Variants in PDZRN3 observed in about 807,000 individuals in gnomAD.
PDZRN3 encodes the protein E3 ubiquitin-protein ligase PDZRN3.
PDZRN3 carries 38 observed loss-of-function variants against 85.7 expected under a neutral mutation model. The ratio of observed to expected loss-of-function variants is 0.44; its 90% confidence interval spans 0.34 to 0.58. The LOEUF (loss-of-function observed/expected upper bound fraction) is 0.58. PDZRN3 is among the 20% of genes least tolerant of loss of function. The pLI is 0.01. For missense variants in PDZRN3, 1,629 were observed against 1,506.4 expected (o/e 1.08, Z -1.35); for synonymous variants, 759 against 638.0 (o/e 1.19, Z -2.86).
intron 3 of PDZRN3, among the ~76,000 whole-genome samples, chr3:73,513,814 A>G (rs886637599): frequency 6.6e-6 from 1 of 152,200 alleles, no homozygotes; most frequent in African/African-American, 2.4e-5. Context: ...TCTTGGATGA[A>G]TTTTTATTGC....
At chr3:73,592,902 C>T (rs923733424) in intron 3 of PDZRN3, among the ~76,000 whole-genome samples, 3 of 152,162 alleles carry the variant, frequency 2.0e-5, no homozygotes, top group Non-Finnish European at 2.9e-5. Flanking sequence ...TCTATAGGCA[C>T]TGTGCTTAGT....
intron 3 of PDZRN3, among the ~76,000 whole-genome samples, chr3:73,559,964 G>A (rs1193053913): frequency 6.6e-6 from 1 of 152,182 alleles, no homozygotes; most frequent in African/African-American, 2.4e-5. Flanking sequence ...ACTATTTTCT[G>A]TCAAGGGCGG....
intron 6 of PDZRN3, among the ~76,000 whole-genome samples, 193 bp from the exon 7 acceptor site, chr3:73,390,071 C>T (rs1411744563): frequency 1.3e-5 from 2 of 152,162 alleles, no homozygotes; most frequent in African/African-American, 4.8e-5. Context: ...CTTTCTAGGG[C>T]TGGTTCTTGG....
At chr3:73,574,456 G>GT (rs1212989717) in intron 3 of PDZRN3, among the ~76,000 whole-genome samples, 16 of 99,092 alleles carry the variant, frequency 1.6e-4, no homozygotes, top group African/African-American at 4.2e-4. Flanking sequence ...TTTGGCTGGG[G>GT]TGGGGGGGGT....
At chr3:73,462,685 T>C (rs1322929509) in intron 3 of PDZRN3, among the ~76,000 whole-genome samples, 1 of 152,182 alleles carries the variant, frequency 6.6e-6, no homozygotes, top group Non-Finnish European at 1.5e-5. Flanking sequence ...TTTCCACTTG[T>C]ATTCTCAATA....
At chr3:73,576,760 G>A (rs1301121252) in intron 3 of PDZRN3, among the ~76,000 whole-genome samples, 1 of 152,122 alleles carries the variant, frequency 6.6e-6, no homozygotes, top group Admixed American at 6.5e-5. Flanking sequence ...CTAAAAAAGT[G>A]GGACTTTACA....
In PDZRN3 at chr3:73,608,557, A is replaced by C. The variant is rs78492080; in HGVS notation, c.810+41T>G. The C allele has an allele frequency of 8.6e-4, 1,163 of 1,348,164 alleles. 17 individuals are homozygous for C. In the East Asian group the frequency reaches 0.025, roughly 29 times the overall value. 83.5% of individuals were successfully genotyped at this position (1,348,164 alleles called of 1,614,324 possible). A position where few individuals can be genotyped will look rare whatever the true frequency, so the allele number is the denominator to read the frequency against. On this transcript the variant is annotated intron_variant, in intron 2 of 9. Coordinates refer to ENST00000263666, the MANE Select transcript of PDZRN3 (RefSeq NM_015009.3). Reference sequence around the variant, plus strand: ...CAAACCTTGACCTCTCTTTCCAGCTACACCAGGAAAAGGAAAAACACATTT... The same window carrying C: ...CAAACCTTGACCTCTCTTTCCAGCTCCACCAGGAAAAGGAAAAACACATTT...
At chr3:73,548,995 G>A (rs1701491749) in intron 3 of PDZRN3, among the ~76,000 whole-genome samples, 7 of 152,194 alleles carry the variant, frequency 4.6e-5, no homozygotes, top group Admixed American at 4.6e-4. Context: ...CTGGTTGTTA[G>A]GAAGAACATC....
At chr3:73,471,878 C>T (rs1703347545) in intron 3 of PDZRN3, among the ~76,000 whole-genome samples, 1 of 152,090 alleles carries the variant, frequency 6.6e-6, no homozygotes, top group African/African-American at 2.4e-5. Context: ...TAAATGGGTC[C>T]AGGACAAAAA....
chr3:73,421,981 G>A (rs139647935), intron 3 of PDZRN3, among the ~76,000 whole-genome samples: 320 of 152,300 alleles, frequency 2.1e-3, no homozygotes, highest in Middle Eastern at 3.4e-3. Flanking sequence ...AAAACTGGGC[G>A]GAGTTTCTTG....
At chr3:73,559,705 GA>G (rs1234635441) in intron 3 of PDZRN3, among the ~76,000 whole-genome samples, 3 of 152,234 alleles carry the variant, frequency 2.0e-5, no homozygotes, top group Admixed American at 6.5e-5. Flanking sequence ...CACTTTAAAA[GA>G]GGGGATTTAA....
At chr3:73,585,073 A>G (rs1240708522) in intron 3 of PDZRN3, among the ~76,000 whole-genome samples, 1 of 152,228 alleles carries the variant, frequency 6.6e-6, no homozygotes, top group Non-Finnish European at 1.5e-5. Flanking sequence ...GCTGGCATAT[A>G]AACACATAAG....
chr3:73,620,690 C>A (rs1702844553), intron 1 of PDZRN3, among the ~76,000 whole-genome samples: 1 of 151,532 alleles, frequency 6.6e-6, no homozygotes, highest in Non-Finnish European at 1.5e-5. Context: ...CATTCTCCTG[C>A]CTCAGCCTCC....
chr3:73,616,024 T>C (rs1157249261), intron 1 of PDZRN3, among the ~76,000 whole-genome samples: 1 of 152,190 alleles, frequency 6.6e-6, no homozygotes, highest in Non-Finnish European at 1.5e-5. Flanking sequence ...AGGGTGGTGG[T>C]GGGCAGAGAG....
intron 3 of PDZRN3, among the ~76,000 whole-genome samples, chr3:73,497,984 G>C (rs982258379): frequency 8.5e-5 from 13 of 152,166 alleles, no homozygotes; most frequent in African/African-American, 3.1e-4. Flanking sequence ...GGAAGATGCT[G>C]AGGTAACAAC....
chr3:73,569,386 G>T, intron 3 of PDZRN3: 1 of 1,198,944 alleles, frequency 8.3e-7, no homozygotes, highest in Non-Finnish European at 1.1e-6. Flanking sequence ...GGCCACATGT[G>T]TGCCGCATAC....
chr3:73,621,075 C>G (rs1248563588), intron 1 of PDZRN3, among the ~76,000 whole-genome samples: 1 of 152,248 alleles, frequency 6.6e-6, no homozygotes, highest in East Asian at 1.9e-4. Context: ...TGCAGAATAT[C>G]AGGCCCCTGG....
At position 73,624,761 on chromosome 3, in the gene PDZRN3, T is replaced by A. The variant is rs141120915; in HGVS notation, c.65A>T (p.His22Leu). The change falls in exon 1 of 10, where the codon CAC becomes CTC. Residue 22 changes from histidine to leucine, a missense_variant. By Grantham distance (99) the His-to-Leu change is moderately conservative (BLOSUM62 -3). Transcript: ENST00000263666. ...GGTCAGCGGGTCCTCCAGGACCTTG[T>A]GGCACAGCGCGCACTTCAGGTCCGG... is the stretch of plus-strand genomic sequence containing the variant. ...VDPDLKCALC[H>L]KVLEDPLTTP... 1.6e-5 allele frequency: 24 copies of A among 1,493,320 alleles called. No homozygotes were observed. In the East Asian group the frequency reaches 6.3e-4, roughly 39 times the overall value. 92.5% of individuals were successfully genotyped at this position (1,493,320 alleles called of 1,614,324 possible).
intron 3 of PDZRN3, among the ~76,000 whole-genome samples, chr3:73,468,940 T>G (rs1411149294): frequency 6.6e-6 from 1 of 152,198 alleles, no homozygotes; most frequent in Non-Finnish European, 1.5e-5. Context: ...GCATGACAAC[T>G]TTTGGTTTAC....
Sources: allele counts gnomAD v4.1 joint callset (sites outside exome capture counted in the v4.1 genomes callset), GRCh38; gene constraint gnomAD v4.1.1; transcripts MANE v1.5; gene names NCBI Gene and HGNC (gene_info 2026-07-23, HGNC 2026-07-21).